Variants in PCDH15 observed in about 807,000 individuals in gnomAD.
PCDH15 encodes the protein protocadherin-15.
Under a neutral mutation model 178.5 loss-of-function variants are expected in PCDH15, and 129 were observed. The ratio of observed to expected loss-of-function variants is 0.72; its 90% CI spans 0.63 to 0.84. The LOEUF is 0.84. PCDH15 is among the 40% of genes least tolerant of loss of function. The pLI, the probability that PCDH15 is intolerant of heterozygous loss-of-function variation, is 0.00. For missense variants in PCDH15, 2,230 were observed against 2,099.9 expected, an observed-to-expected ratio of 1.06 and a Z score of -1.21; for synonymous variants, 800 against 732.0, an observed-to-expected ratio of 1.09 and a Z score of -1.50.
intron 1 of PCDH15, among the ~76,000 whole-genome samples, chr10:54,741,196 CT>C (rs1339701159): frequency 6.8e-6 from 1 of 146,670 alleles, no homozygotes; most frequent in South Asian, 2.1e-4. Flanking sequence ...TATACATTCT[CT>C]TTTTTATATA....
chr10:53,907,512 A>C (rs532782027), intron 25 of PCDH15, among the ~76,000 whole-genome samples: 1 of 152,284 alleles, frequency 6.6e-6, no homozygotes, highest in African/African-American at 2.4e-5. Context: ...CAAAAAAGTT[A>C]TTTGGAAAGT....
chr10:53,972,069 G>A (rs903257189), intron 21 of PCDH15, among the ~76,000 whole-genome samples: 19 of 152,262 alleles, frequency 1.2e-4, no homozygotes, highest in Non-Finnish European at 2.6e-4. Flanking sequence ...AAAACAGCAT[G>A]ATACTGGTAC....
intron 1 of PCDH15, among the ~76,000 whole-genome samples, chr10:55,193,015 T>C (rs1839986084): frequency 6.8e-6 from 1 of 147,352 alleles, no homozygotes; most frequent in South Asian, 2.1e-4. Flanking sequence ...AATTGCAAGA[T>C]ACTTTAAAAA....
intron 2 of PCDH15, among the ~76,000 whole-genome samples, chr10:55,087,095 CATG>C (rs1219645559): frequency 1.3e-5 from 2 of 152,090 alleles, no homozygotes; most frequent in African/African-American, 4.8e-5. Flanking sequence ...ATATAATATA[CATG>C]AGTAAATTAC....
intron 21 of PCDH15, among the ~76,000 whole-genome samples, chr10:53,967,298 C>T (rs748361657): frequency 2.6e-5 from 4 of 152,160 alleles, no homozygotes; most frequent in Non-Finnish European, 5.9e-5. Context: ...CTGAAGTCTC[C>T]CCATCCCTCT....
chr10:54,432,913 T>A lies in PCDH15; in HGVS notation c.158-53971A>T, dbSNP rs192049842. Among the ~76,000 whole-genome samples the A allele has an allele frequency of 1.3e-3, 194 of 151,838 alleles. 1 individual carries two copies. The highest frequency in any genetic ancestry group is 7.7e-3 in the Admixed American group (118 of 15,244). On this transcript the variant is annotated intron_variant, in intron 3 of 37. Coordinates refer to ENST00000644397, the MANE Select transcript of PCDH15 (RefSeq NM_001384140.1). ...ATAACCCAGTTAAAATTGGCAAATATCAAATAGACATTTCTCAAAAGAAGA... is the reference window on the plus strand; with the variant it reads ...ATAACCCAGTTAAAATTGGCAAATAACAAATAGACATTTCTCAAAAGAAGA...
chr10:54,774,130 A>C (rs894068625), intron 1 of PCDH15, among the ~76,000 whole-genome samples: 51 of 143,904 alleles, frequency 3.5e-4, no homozygotes, highest in Non-Finnish European at 6.6e-4. Context: ...CTGGGTTCAC[A>C]CCACTCTCCT....
intron 8 of PCDH15, among the ~76,000 whole-genome samples, chr10:54,242,130 TTATA>T (rs57729172): frequency 0.033 from 1,038 of 31,260 alleles, 31 homozygotes; most frequent in Non-Finnish European, 0.04. Flanking sequence ...AATTCTATTT[TTATA>T]TATATATATA....
intron 2 of PCDH15, among the ~76,000 whole-genome samples, chr10:55,621,198 C>T (rs1348778815): frequency 6.6e-6 from 1 of 152,016 alleles, no homozygotes. Context: ...TATGTTTTAG[C>T]AAAGAAGAAA....
intron 2 of PCDH15, among the ~76,000 whole-genome samples, chr10:55,511,030 G>T (rs376533604): frequency 6.7e-6 from 1 of 148,338 alleles, no homozygotes; most frequent in Non-Finnish European, 1.5e-5. Flanking sequence ...TGGCTAATTT[G>T]TTTTTTTTGT....
intron 2 of PCDH15, among the ~76,000 whole-genome samples, chr10:54,925,527 G>C (rs1039456301): frequency 4.6e-5 from 7 of 151,744 alleles, no homozygotes; most frequent in Non-Finnish European, 8.8e-5. Flanking sequence ...TTTACAAATT[G>C]CTTTGGCAGT....
rs878945475 is a variant in PCDH15, at chr10:54,089,930, C to G, written c.1997+54G>C. On this transcript the variant is annotated intron_variant, in intron 16 of 37. Coordinates refer to ENST00000644397, the MANE Select transcript of PCDH15 (RefSeq NM_001384140.1). Reference sequence around the variant, plus strand: ...CTCTGATTAGAAGTCTGCTTTCTTACTAACAGTACGTTGCTGTACATTTTT... The same window carrying G: ...CTCTGATTAGAAGTCTGCTTTCTTAGTAACAGTACGTTGCTGTACATTTTT... 13 of 1,363,016 alleles carry G rather than the reference C, an allele frequency of 9.5e-6. No homozygotes were observed. In the South Asian group the frequency reaches 1.4e-4, roughly 15 times the overall value. The allele number at this position is 1,363,016 out of a possible 1,614,324, so 84.4% of individuals were successfully genotyped here.
At chr10:55,509,457 G>T (rs896938197) in intron 2 of PCDH15, among the ~76,000 whole-genome samples, 1 of 151,674 alleles carries the variant, frequency 6.6e-6, no homozygotes, top group African/African-American at 2.4e-5. Context: ...AATATCTGGG[G>T]TATAACTCAA....
intron 4 of PCDH15, among the ~76,000 whole-genome samples, chr10:54,375,022 T>C (rs972749046): frequency 2.0e-5 from 3 of 152,098 alleles, no homozygotes; most frequent in African/African-American, 7.2e-5. Flanking sequence ...TGAGAAAATG[T>C]AGAAAACATG....
intron 13 of PCDH15, among the ~76,000 whole-genome samples, chr10:54,164,154 A>G (rs755767534): frequency 6.6e-6 from 1 of 152,228 alleles, no homozygotes; most frequent in Non-Finnish European, 1.5e-5. Context: ...ATCAGACCAG[A>G]TGCAGAATTG....
chr10:54,882,763 T>A lies in PCDH15; in HGVS notation c.-29+14687A>T, dbSNP rs554499487. Among the ~76,000 whole-genome samples the A allele has an allele frequency of 7.9e-5, 12 of 152,190 alleles. No homozygotes were observed. The South Asian group carries it at 2.5e-3, about 32-fold the overall frequency. ...AAAAATACCATTCAAAATAGACATG[T>A]CTTCTTGCTAATTAAAAATATAGCA... On this transcript the variant is annotated intron_variant, in intron 3 of 5. Coordinates refer to the PCDH15 transcript ENST00000458638.
chr10:54,030,297 T>C (rs1266806852), intron 18 of PCDH15, among the ~76,000 whole-genome samples: 5 of 151,988 alleles, frequency 3.3e-5, no homozygotes, highest in Non-Finnish European at 7.4e-5. Context: ...CAGTGCATCC[T>C]TCATGACATT....
At chr10:55,041,282 TTA>T (rs1840857759) in intron 2 of PCDH15, among the ~76,000 whole-genome samples, 1 of 152,080 alleles carries the variant, frequency 6.6e-6, no homozygotes, top group African/African-American at 2.4e-5. Flanking sequence ...TCTAGCTAAA[TTA>T]CTTATCAAGA....
intron 26 of PCDH15, among the ~76,000 whole-genome samples, chr10:53,868,767 C>G (rs2079625623): frequency 6.6e-6 from 1 of 152,118 alleles, no homozygotes; most frequent in Admixed American, 6.5e-5. Context: ...GTAATTTAAA[C>G]TACTCAACAC....
Sources: gnomAD v4.1 joint callset for allele counts (sites outside exome capture counted in the v4.1 genomes callset) on GRCh38, gnomAD v4.1.1 for gene constraint, MANE v1.5 for transcripts, NCBI Gene and HGNC (gene_info 2026-07-23, HGNC 2026-07-21) for gene names.